CSMD1: variants seen among roughly 807,000 people sequenced by gnomAD.
CSMD1 encodes the protein CUB and Sushi multiple domains 1, also known as CUB and sushi domain-containing protein 1.
Under a neutral mutation model 417.5 loss-of-function variants are expected in CSMD1, and 213 were observed. The ratio of observed to expected loss-of-function variants is 0.51; its 90% CI spans 0.46 to 0.57. CSMD1 has a LOEUF of 0.57. Ranked by LOEUF, CSMD1 falls within the 20% of genes least tolerant of loss-of-function variation. The pLI, the probability that CSMD1 is intolerant of heterozygous loss-of-function variation, is 0.00. For synonymous variants in CSMD1, 2,862 were observed against 1,736.8 expected (o/e 1.65, Z -16.11); for missense variants, 6,923 against 4,529.7 (o/e 1.53, Z -15.17).
chr8:4,622,844 G>C (rs1305822513), intron 2 of CSMD1, among the ~76,000 whole-genome samples: 1 of 151,958 alleles, frequency 6.6e-6, no homozygotes, highest in Non-Finnish European at 1.5e-5. Flanking sequence ...CAGATGACAT[G>C]GTTGCCTCCA....
chr8:3,372,073 A>G (rs1003708247), intron 18 of CSMD1, among the ~76,000 whole-genome samples: 1 of 152,234 alleles, frequency 6.6e-6, no homozygotes, highest in Non-Finnish European at 1.5e-5. Flanking sequence ...GGCAGATGAT[A>G]TACAATATTG....
At chr8:3,024,775 A>G (rs945506538) in intron 51 of CSMD1, among the ~76,000 whole-genome samples, 1 of 152,236 alleles carries the variant, frequency 6.6e-6, no homozygotes, top group Non-Finnish European at 1.5e-5. Flanking sequence ...ATTTGTCCCA[A>G]GTAAATAAAA....
intron 10 of CSMD1, among the ~76,000 whole-genome samples, chr8:3,529,859 A>C (rs979353064): frequency 2.0e-5 from 3 of 152,164 alleles, no homozygotes; most frequent in African/African-American, 7.2e-5. Context: ...ACAATAAATT[A>C]ATTATAGCAA....
intron 3 of CSMD1, among the ~76,000 whole-genome samples, chr8:4,157,178 G>C (rs185398683): frequency 2.0e-5 from 3 of 152,100 alleles, no homozygotes; most frequent in Non-Finnish European, 2.9e-5. Flanking sequence ...AAGATTTTGG[G>C]ACAAGTGACG....
At chr8:4,323,535 C>A (rs886070400) in intron 3 of CSMD1, among the ~76,000 whole-genome samples, 1 of 152,018 alleles carries the variant, frequency 6.6e-6, no homozygotes, top group Non-Finnish European at 1.5e-5. Context: ...GGATCCTGAC[C>A]AGTGTGGGTG....
At chr8:3,552,202 G>A (rs995377660) in intron 10 of CSMD1, among the ~76,000 whole-genome samples, 1 of 152,060 alleles carries the variant, frequency 6.6e-6, no homozygotes, top group Non-Finnish European at 1.5e-5. Context: ...CTGTGGAAAA[G>A]ACAACATTCT....
chr8:4,937,514 C>CA (rs888591610), intron 1 of CSMD1, among the ~76,000 whole-genome samples: 45 of 151,740 alleles, frequency 3.0e-4, no homozygotes, highest in South Asian at 2.7e-3. Flanking sequence ...AGAATGGTGA[C>CA]AAAAAAAACA....
At chr8:4,753,622 C>T (rs1369622936) in intron 1 of CSMD1, among the ~76,000 whole-genome samples, 2 of 152,202 alleles carry the variant, frequency 1.3e-5, no homozygotes, top group African/African-American at 4.8e-5. Context: ...TCAGGCGTCT[C>T]ACTGTTCCGC....
Position 4,273,589 on chromosome 8 carries a change from C to T in CSMD1, c.415+146364G>A, listed in dbSNP as rs547701274. ...TTTAATATAAATATTTATCATTTGT[C>T]GTTCATTTGAAATTCAAATTAAATG... On this transcript the variant is annotated intron_variant, in intron 3 of 69. Coordinates refer to ENST00000635120, the MANE Select transcript of CSMD1 (RefSeq NM_033225.6). Among the ~76,000 whole-genome samples, 35 of 152,206 alleles carry T rather than the reference C, an allele frequency of 2.3e-4. 1 individual carries two copies. Among genetic ancestry groups the T allele is most frequent in the African/African-American group, 8.2e-4 (34 of 41,534 alleles).
chr8:4,975,189 A>G (rs1341469234), intron 1 of CSMD1, among the ~76,000 whole-genome samples: 7 of 152,188 alleles, frequency 4.6e-5, no homozygotes, highest in Non-Finnish European at 4.4e-5. Flanking sequence ...TTTTTAATTC[A>G]CCACGGTGAC....
chr8:4,563,901 A>G (rs1312187636), intron 2 of CSMD1, among the ~76,000 whole-genome samples: 2 of 152,152 alleles, frequency 1.3e-5, no homozygotes, highest in Non-Finnish European at 2.9e-5. Context: ...CACTTTATTT[A>G]AAATGTTTCT....
At chr8:4,401,106 C>A (rs1258768118) in intron 3 of CSMD1, among the ~76,000 whole-genome samples, 1 of 151,914 alleles carries the variant, frequency 6.6e-6, no homozygotes, top group African/African-American at 2.4e-5. Flanking sequence ...TGAAGATAAC[C>A]TTCTTCAGCT....
At chr8:3,751,108 G>C (rs143926470) in intron 6 of CSMD1, among the ~76,000 whole-genome samples, 1 of 152,014 alleles carries the variant, frequency 6.6e-6, no homozygotes, top group African/African-American at 2.4e-5. Flanking sequence ...TGAGGACCAT[G>C]TGGTAATGAA....
intron 8 of CSMD1, among the ~76,000 whole-genome samples, chr8:3,607,902 G>A (rs893581226): frequency 6.6e-6 from 1 of 152,178 alleles, no homozygotes; most frequent in Non-Finnish European, 1.5e-5. Context: ...AGGCACAGTG[G>A]TTCATGCCTG....
At chr8:4,662,286 G>C (rs761841088) in intron 1 of CSMD1, among the ~76,000 whole-genome samples, 4 of 151,682 alleles carry the variant, frequency 2.6e-5, no homozygotes, top group Non-Finnish European at 4.4e-5. Context: ...ACAAATAAGA[G>C]GTTTCTAAAA....
chr8:4,932,309 C>G (rs1807300853), intron 1 of CSMD1, among the ~76,000 whole-genome samples: 2 of 148,408 alleles, frequency 1.3e-5, no homozygotes, highest in Admixed American at 6.9e-5. Flanking sequence ...ACATTTGGTA[C>G]CAAGTAACTA....
At chr8:4,158,118 G>C (rs1166668227) in intron 3 of CSMD1, among the ~76,000 whole-genome samples, 1 of 145,664 alleles carries the variant, frequency 6.9e-6, no homozygotes, top group Non-Finnish European at 1.5e-5. Flanking sequence ...TTGAGCTTAA[G>C]ATCCCTGCAG....
intron 23 of CSMD1, among the ~76,000 whole-genome samples, chr8:3,328,823 A>G (rs977475645): frequency 7.9e-5 from 12 of 152,250 alleles, no homozygotes; most frequent in Non-Finnish European, 1.5e-4. Context: ...AATTAGTTAT[A>G]TATGATATCT....
rs11778673 is a variant in CSMD1, at chr8:3,848,782, C to G, written c.819-94740G>C. On this transcript the variant is annotated intron_variant, in intron 5 of 69. Coordinates refer to ENST00000635120, the MANE Select transcript of CSMD1 (RefSeq NM_033225.6). ...AATTATAATTGTCAAATATTTAGTA[C>G]TGTAGAAAAAAATGATTAGCAGCGA... 4.9e-3 allele frequency among the ~76,000 whole-genome samples: 740 copies of G among 151,842 alleles called. 7 individuals are homozygous for G. The highest frequency in any genetic ancestry group is 0.028 in the South Asian group (136 of 4,812).
Sources: gnomAD v4.1 joint callset for allele counts (sites outside exome capture counted in the v4.1 genomes callset) on GRCh38, gnomAD v4.1.1 for gene constraint, MANE v1.5 for transcripts, NCBI Gene and HGNC (gene_info 2026-07-23, HGNC 2026-07-21) for gene names.